The following FARP1 variants were observed in gnomAD, a reference collection of about 807,000 sequenced individuals.
The protein encoded by FARP1 is FERM, ARH/RhoGEF and pleckstrin domain protein 1.
Under a neutral mutation model 128.8 loss-of-function variants are expected in FARP1, and 52 were observed. The ratio of observed to expected loss-of-function variants is 0.40; its 90% CI spans 0.32 to 0.51. The LOEUF is 0.51. Among genes scored for constraint, FARP1 ranks in the 20% least tolerant of loss-of-function variants. FARP1 has a pLI of 0.45. For synonymous variants in FARP1, 580 were observed against 551.8 expected, an observed-to-expected ratio of 1.05 and a Z score of -0.72; for missense variants, 1,333 against 1,367.9, an observed-to-expected ratio of 0.97 and a Z score of 0.40.
At chr13:98,218,838 T>A (rs947293667) in intron 2 of FARP1, among the ~76,000 whole-genome samples, 4 of 152,184 alleles carry the variant, frequency 2.6e-5, no homozygotes, top group African/African-American at 9.7e-5. Context: ...GATAATACAT[T>A]ATTAGTAGAA....
At chr13:98,181,855 C>A (rs1878553084) in intron 1 of FARP1, among the ~76,000 whole-genome samples, 2 of 151,996 alleles carry the variant, frequency 1.3e-5, no homozygotes, top group African/African-American at 4.8e-5. Context: ...GGGGTCTTAT[C>A]ACACATGGTA....
chr13:98,167,242 T>C (rs899702033), intron 1 of FARP1, among the ~76,000 whole-genome samples: 1 of 152,184 alleles, frequency 6.6e-6, no homozygotes, highest in African/African-American at 2.4e-5. Context: ...AATTGATTTA[T>C]AGGCGTTCCT....
chr13:98,431,018 C>T (rs1555295656), intron 17 of FARP1, 25 bp from the exon 18 acceptor site: 1 of 1,530,154 alleles, frequency 6.5e-7, no homozygotes. Context: ...CTGAACAGGA[C>T]CCTCCTCCTC....
chr13:98,446,995 T>TG, intron 26 of FARP1, 178 bp downstream of exon 26: 2 of 641,596 alleles, frequency 3.1e-6, no homozygotes, highest in Non-Finnish European at 5.3e-6. Flanking sequence ...TGGCAGAAAG[T>TG]GGGGTCCCAA....
In FARP1 at chr13:98,351,591, A is replaced by G. The variant is rs541048974; in HGVS notation, c.276+7725A>G. Among the ~76,000 whole-genome samples, 42 of 151,730 alleles carry G rather than the reference A, an allele frequency of 2.8e-4. No homozygotes were observed. In the South Asian group the frequency reaches 6.1e-3, roughly 22 times the overall value. On this transcript the variant is annotated intron_variant, in intron 3 of 26. Transcript: ENST00000319562. The stretch of plus-strand genomic sequence containing the variant: ...CACGCCACTGCTCTCCAGCCTGGGC[A>G]ACAAAGCAAGACTCCATCTAAAAAA...
At chr13:98,227,367 T>C (rs1353832236) in intron 2 of FARP1, among the ~76,000 whole-genome samples, 1 of 152,006 alleles carries the variant, frequency 6.6e-6, no homozygotes, top group East Asian at 1.9e-4. Flanking sequence ...AGAAGCTATG[T>C]TGGGGAACAT....
At chr13:98,211,472 A>G (rs1164857324) in intron 1 of FARP1, among the ~76,000 whole-genome samples, 1 of 152,252 alleles carries the variant, frequency 6.6e-6, no homozygotes, top group African/African-American at 2.4e-5. Flanking sequence ...GTCTTCCACA[A>G]AACAAGTCCC....
At chr13:98,446,557 G>A in intron 25 of FARP1, 109 bp from the exon 26 acceptor site, 1 of 1,170,628 alleles carries the variant, frequency 8.5e-7, no homozygotes, top group African/African-American at 1.5e-5. Context: ...CCACGCCCGA[G>A]GAGGGAGCTG....
Position 98,256,948 on chromosome 13 carries a change from G to GGTATGT in FARP1, c.171+43535_171+43536insGTATGT, listed in dbSNP as rs59128917. Among the ~76,000 whole-genome samples the GGTATGT allele has an allele frequency of 2.9e-4, 22 of 77,076 alleles. 1 individual carries two copies. Among genetic ancestry groups the GGTATGT allele is most frequent in the African/African-American group, 3.2e-4 (8 of 24,914 alleles). 50.6% of individuals were successfully genotyped at this position (77,076 alleles called of 152,430 possible). ...CAATAATTTTCAAAGTATATATGTG[G>GGTATGT]ATATATATATATATATATATATATA... is the stretch of plus-strand genomic sequence containing the variant. On this transcript the variant is annotated intron_variant, in intron 2 of 26. Coordinates refer to ENST00000319562, the MANE Select transcript of FARP1 (RefSeq NM_005766.4).
intron 3 of FARP1, among the ~76,000 whole-genome samples, chr13:98,352,944 C>G (rs185733094): frequency 6.6e-6 from 1 of 152,126 alleles, no homozygotes; most frequent in Non-Finnish European, 1.5e-5. Context: ...TTCAGAGTAA[C>G]TGCATATGTT....
At chr13:98,355,508 G>T (rs1326497508) in intron 3 of FARP1, among the ~76,000 whole-genome samples, 2 of 152,090 alleles carry the variant, frequency 1.3e-5, no homozygotes, top group Non-Finnish European at 2.9e-5. Flanking sequence ...CTGAGAACTG[G>T]CTAGGAATGC....
rs1385307522 is a variant in FARP1 at position 98,451,513 on chromosome 13, T to C, written c.*3196T>C. ...AATAAAATACCTCAATTTTAGAGCTTAAAAACCAGACTGCACTAGCAAACC... is the reference window on the plus strand; with the variant it reads ...AATAAAATACCTCAATTTTAGAGCTCAAAAACCAGACTGCACTAGCAAACC... On this transcript the variant is annotated 3_prime_UTR_variant, in exon 27 of 27. Transcript: ENST00000319562. The C allele has an allele frequency of 2.0e-5, 3 of 152,134 alleles. No individual in the cohort carries two copies. Among genetic ancestry groups the C allele is most frequent in the African/African-American group, 7.2e-5 (3 of 41,424 alleles). The allele number at this position is 152,134 out of a possible 1,614,324, so 9.4% of individuals were successfully genotyped here.
At chr13:98,374,330 A>G (rs1889482030) in intron 5 of FARP1, among the ~76,000 whole-genome samples, 1 of 152,212 alleles carries the variant, frequency 6.6e-6, no homozygotes, top group South Asian at 2.1e-4. Flanking sequence ...AGGCTGAGGC[A>G]GGAGGATTGC....
chr13:98,176,822 G>T lies in FARP1; in HGVS notation c.-24+33330G>T. 1 of 1,612,638 alleles carries T rather than the reference G, an allele frequency of 6.2e-7. No homozygotes were observed. On this transcript the variant is annotated intron_variant, in intron 1 of 26. Coordinates refer to ENST00000319562, the MANE Select transcript of FARP1 (RefSeq NM_005766.4). This position sits in a 1 kb window ranked among gnomAD's most constrained non-coding sequence, Gnocchi z 6.2. ...TAGATGTGGTCGTGCTCCCGACCCC[G>T]CAGTGCCTCCTGGACCCGCTGGCTG...
intron 16 of FARP1, among the ~76,000 whole-genome samples, chr13:98,417,211 T>C (rs1234949204): frequency 6.6e-6 from 1 of 151,906 alleles, no homozygotes; most frequent in African/African-American, 2.4e-5. Context: ...GAGGGCCCTG[T>C]GATAAAGTGC....
intron 2 of FARP1, among the ~76,000 whole-genome samples, chr13:98,301,465 A>G (rs1429089307): frequency 6.6e-6 from 1 of 152,210 alleles, no homozygotes; most frequent in African/African-American, 2.4e-5. Flanking sequence ...TCTGAGCCAC[A>G]TTAAAAATGT....
At chr13:98,372,084 T>C (rs1889358365) in intron 5 of FARP1, among the ~76,000 whole-genome samples, 1 of 97,672 alleles carries the variant, frequency 1.0e-5, no homozygotes, top group Non-Finnish European at 2.2e-5. Flanking sequence ...AGTTTTTCTT[T>C]TTTTTTTTTT....
At chr13:98,296,419 C>T (rs1594370843) in intron 2 of FARP1, among the ~76,000 whole-genome samples, 1 of 152,166 alleles carries the variant, frequency 6.6e-6, no homozygotes, top group Middle Eastern at 3.4e-3. Context: ...TGTAAAAATC[C>T]GAATCAGTGC....
At chr13:98,409,757 T>C (rs1444361729) in intron 14 of FARP1, among the ~76,000 whole-genome samples, 6 of 152,184 alleles carry the variant, frequency 3.9e-5, no homozygotes, top group African/African-American at 1.2e-4. Flanking sequence ...CACTAACTCC[T>C]CCTTCCCCCT....
Sources: allele counts gnomAD v4.1 joint callset (sites outside exome capture counted in the v4.1 genomes callset), GRCh38; gene constraint gnomAD v4.1.1; non-coding constraint Gnocchi (gnomAD v3.1); transcripts MANE v1.5; gene names NCBI Gene and HGNC (gene_info 2026-07-23, HGNC 2026-07-21).